Variants in FOXP2 observed in about 807,000 individuals in gnomAD.
FOXP2 encodes forkhead box protein P2.
Under a neutral mutation model 115.8 loss-of-function variants are expected in FOXP2, and 12 were observed. That is an observed-to-expected ratio of 0.10 (90% CI 0.07 to 0.17). The LOEUF is 0.17. FOXP2 is among the 10% of genes least tolerant of loss of function. The pLI is 1.00. For synonymous variants in FOXP2, 328 were observed against 297.7 expected (o/e 1.10, Z -1.05); for missense variants, 629 against 843.5 (o/e 0.75, Z 3.15).
chr7:114,361,849 T>G (rs2129187691), intron 2 of FOXP2, among the ~76,000 whole-genome samples: 1 of 152,204 alleles, frequency 6.6e-6, no homozygotes. Flanking sequence ...GATTGCTAGT[T>G]CTTGATAAAG....
chr7:114,128,380 AC>A (rs1328696011), intron 1 of FOXP2, among the ~76,000 whole-genome samples: 1 of 150,802 alleles, frequency 6.6e-6, no homozygotes, highest in African/African-American at 2.4e-5. Context: ...ACCAACTCTT[AC>A]CCTAATATAC....
chr7:114,373,344 A>G (rs1792060894), intron 2 of FOXP2, among the ~76,000 whole-genome samples: 1 of 152,130 alleles, frequency 6.6e-6, no homozygotes, highest in Non-Finnish European at 1.5e-5. Context: ...TTAAGTTGCA[A>G]AAAAATCTGA....
intron 3 of FOXP2, among the ~76,000 whole-genome samples, chr7:114,542,570 C>A (rs1057162313): frequency 6.6e-6 from 1 of 152,170 alleles, no homozygotes; most frequent in African/African-American, 2.4e-5. Flanking sequence ...AGAGTGGCTT[C>A]ATTGTTCCTT....
chr7:114,107,396 G>C (rs1791147331), intron 1 of FOXP2, among the ~76,000 whole-genome samples: 1 of 151,784 alleles, frequency 6.6e-6, no homozygotes, highest in Non-Finnish European at 1.5e-5. Context: ...ATATACTATT[G>C]ACTACCATTT....
At chr7:114,245,689 C>T (rs1184824783) in intron 1 of FOXP2, among the ~76,000 whole-genome samples, 1 of 152,002 alleles carries the variant, frequency 6.6e-6, no homozygotes, top group African/African-American at 2.4e-5. Flanking sequence ...CTGAAGATGC[C>T]GTGTATCAAG....
intron 16 of FOXP2, among the ~76,000 whole-genome samples, chr7:114,686,747 A>G (rs1352708974): frequency 6.6e-6 from 1 of 152,134 alleles, no homozygotes; most frequent in African/African-American, 2.4e-5. Flanking sequence ...AAATCTAAAA[A>G]TTTTGTGTGT....
intron 1 of FOXP2, among the ~76,000 whole-genome samples, chr7:114,175,175 G>C (rs913679923): frequency 6.6e-6 from 1 of 151,800 alleles, no homozygotes; most frequent in Non-Finnish European, 1.5e-5. Context: ...ATTTCTTCTG[G>C]TTATAAAGAC....
intron 3 of FOXP2, among the ~76,000 whole-genome samples, chr7:114,582,676 G>T (rs1468555268): frequency 6.6e-6 from 1 of 152,128 alleles, no homozygotes; most frequent in Non-Finnish European, 1.5e-5. Flanking sequence ...ATAATATTAA[G>T]ATTCTGAACT....
intron 1 of FOXP2, among the ~76,000 whole-genome samples, chr7:114,127,037 G>A (rs1009863601): frequency 6.6e-6 from 1 of 152,156 alleles, no homozygotes; most frequent in African/African-American, 2.4e-5. Flanking sequence ...AGTGAGTGCT[G>A]AAGTCTCATC....
intron 16 of FOXP2, chr7:114,668,875 T>C (rs1459030330): frequency 6.6e-6 from 1 of 152,128 alleles, no homozygotes; most frequent in Non-Finnish European, 1.5e-5. Flanking sequence ...TAGAAATGGT[T>C]TGACTTCACA....
At chr7:114,322,676 A>G (rs1272640416) in intron 2 of FOXP2, among the ~76,000 whole-genome samples, 1 of 152,172 alleles carries the variant, frequency 6.6e-6, no homozygotes, top group East Asian at 1.9e-4. Context: ...ATGTATTTGA[A>G]ACCAGATTTT....
At chr7:114,498,234 G>A (rs1797409347) in intron 2 of FOXP2, among the ~76,000 whole-genome samples, 3 of 152,104 alleles carry the variant, frequency 2.0e-5, no homozygotes, top group Admixed American at 2.0e-4. Flanking sequence ...TAACCATCAG[G>A]AAGTGTAAAC....
intron 2 of FOXP2, among the ~76,000 whole-genome samples, chr7:114,325,947 G>T (rs909188208): frequency 6.6e-6 from 1 of 152,050 alleles, no homozygotes; most frequent in Non-Finnish European, 1.5e-5. Flanking sequence ...GTAATATAGT[G>T]TATAAGCAGT....
chr7:114,601,153 A>G (rs2129313612), intron 3 of FOXP2, among the ~76,000 whole-genome samples: 1 of 152,146 alleles, frequency 6.6e-6, no homozygotes, highest in East Asian at 1.9e-4. Context: ...TTTAGTAGAG[A>G]CAGGGTTTCG....
At chr7:114,288,565 T>C (rs75313186) in intron 2 of FOXP2, among the ~76,000 whole-genome samples, 145 of 151,892 alleles carry the variant, frequency 9.5e-4, no homozygotes, top group African/African-American at 3.1e-3. Context: ...CAGTAATGAA[T>C]TTTTTTCTAG....
intron 1 of FOXP2, among the ~76,000 whole-genome samples, chr7:114,266,798 A>G (rs1470159003): frequency 6.6e-6 from 1 of 152,174 alleles, no homozygotes; most frequent in Non-Finnish European, 1.5e-5. Flanking sequence ...ATTTTAGGAT[A>G]GACACTCAGT....
intron 2 of FOXP2, among the ~76,000 whole-genome samples, chr7:114,486,742 T>G (rs1468347394): frequency 6.6e-6 from 1 of 152,196 alleles, no homozygotes; most frequent in Non-Finnish European, 1.5e-5. Flanking sequence ...GCAGGCCCCA[T>G]GCAAGTTTGA....
chr7:114,458,092 A>T (rs1795398137), intron 2 of FOXP2, among the ~76,000 whole-genome samples: 1 of 152,150 alleles, frequency 6.6e-6, no homozygotes, highest in African/African-American at 2.4e-5. Context: ...AACAAAACTC[A>T]AGATCATCTT....
intron 2 of FOXP2, among the ~76,000 whole-genome samples, chr7:114,482,513 A>C (rs2129238186): frequency 6.6e-6 from 1 of 151,628 alleles, no homozygotes; most frequent in Admixed American, 6.6e-5. Flanking sequence ...GAATGACAAC[A>C]AGGTATGTCT....
Sources: allele counts gnomAD v4.1 joint callset (sites outside exome capture counted in the v4.1 genomes callset), GRCh38; gene constraint gnomAD v4.1.1; transcripts MANE v1.5; gene names NCBI Gene and HGNC (gene_info 2026-07-23, HGNC 2026-07-21).